The following ASL variants were observed in gnomAD, a reference collection of about 807,000 sequenced individuals.
ASL encodes argininosuccinate lyase.
ASL carries 51 observed loss-of-function variants against 69.1 expected under a neutral mutation model. The ratio of observed to expected loss-of-function variants is 0.74; its 90% confidence interval spans 0.59 to 0.93. The LOEUF (loss-of-function observed/expected upper bound fraction) is 0.93. Ranked by LOEUF, ASL falls within the 40% of genes least tolerant of loss-of-function variation. ASL has a pLI of 0.00. For missense variants in ASL, 540 were observed against 623.9 expected (o/e 0.87, Z 1.43); for synonymous variants, 241 against 247.6 (o/e 0.97, Z 0.25).
intron 9 of ASL, 37 bp from the exon 10 acceptor site, chr7:66,087,692 T>C (rs1307875351): frequency 1.9e-6 from 3 of 1,613,616 alleles, no homozygotes; most frequent in East Asian, 2.2e-5. Flanking sequence ...CCACTCCCTG[T>C]CCTCCAGCTT....
At position 66,089,441 on chromosome 7, in the gene ASL, C is replaced by T. The variant is rs543218393; in HGVS notation, c.978+106C>T. On this transcript the variant is annotated intron_variant, in intron 13 of 16. Transcript: ENST00000304874. Reference sequence around the variant, plus strand: ...TTGCCATACATCCTCCCATCCTGTGCACACAGCTCCATCCGTGGCTGCCCT... The same window carrying T: ...TTGCCATACATCCTCCCATCCTGTGTACACAGCTCCATCCGTGGCTGCCCT... 9.5e-6 allele frequency: 14 copies of T among 1,471,484 alleles called. No individual in the cohort carries two copies. The East Asian group carries it at 2.7e-4, about 28-fold the overall frequency. 91.2% of individuals were successfully genotyped at this position (1,471,484 alleles called of 1,614,324 possible). A position where few individuals can be genotyped will look rare whatever the true frequency, so the allele number is the denominator to read the frequency against.
Position 66,082,931 on chromosome 7 carries a change from G to T in ASL, c.343G>T (p.Asp115Tyr), listed in dbSNP as rs756692067. Residue 115 changes from aspartate (D) to tyrosine (Y), a missense_variant, in exon 5 of 17, where the codon GAC (aspartate) becomes TAC (tyrosine). Asp to Tyr is a radical substitution (Grantham distance 160). Transcript: ENST00000304874. ...GKLHTGRSRN[D>Y]QVVTDLRLWM... ...GCTGCACACGGGACGGAGCCGGAAT[G>T]ACCAGGTGCTTTAGCCCCTCCACCC... The T allele has an allele frequency of 6.2e-7, 1 of 1,613,692 alleles. No homozygotes were observed. Among genetic ancestry groups the T allele is most frequent in the East Asian group, 2.2e-5 (1 of 44,852 alleles).
intron 2 of ASL, among the ~76,000 whole-genome samples, chr7:66,080,918 C>T (rs1584020048): frequency 1.3e-5 from 2 of 152,236 alleles, no homozygotes; most frequent in South Asian, 2.1e-4. Flanking sequence ...AGTTGCAGGG[C>T]ACTTAAGCTT....
chr7:66,077,014 G>C (rs367717038), intron 2 of ASL, among the ~76,000 whole-genome samples: 1 of 152,182 alleles, frequency 6.6e-6, no homozygotes, highest in African/African-American at 2.4e-5. Flanking sequence ...CTTGGTTTCT[G>C]TACCAGTCAC....
rs373132901 is a variant in ASL, at chr7:66,086,525, G to C, written c.447-60G>C. ...GGTGACCCAGGCCTGCAGGGTTCCA[G>C]TGTCACAGGCAGGCCTTGCATGAGC... On this transcript the variant is annotated intron_variant, in intron 6 of 16. Coordinates refer to ENST00000304874, the MANE Select transcript of ASL (RefSeq NM_000048.4). The C allele has an allele frequency of 1.0e-4, 160 of 1,575,874 alleles. No individual in the cohort carries two copies. The African/African-American group carries it at 1.9e-3, about 19-fold the overall frequency.
intron 11 of ASL, 63 bp downstream of exon 11, chr7:66,088,984 G>A: frequency 1.2e-6 from 2 of 1,608,198 alleles, no homozygotes; most frequent in Admixed American, 1.7e-5. Flanking sequence ...GCCGCCCGCG[G>A]ACGTGGCTGC....
intron 2 of ASL, 45 bp downstream of exon 2, chr7:66,076,138 A>G: frequency 6.3e-7 from 1 of 1,576,246 alleles, no homozygotes; most frequent in East Asian, 2.3e-5. Flanking sequence ...CCTCCAAAGG[A>G]GAGAGTGGGG....
chr7:66,083,104 C>T lies in ASL; in HGVS notation c.376C>T (p.Arg126Trp), dbSNP rs201962738. The T allele has an allele frequency of 3.1e-6, 5 of 1,613,736 alleles. No individual in the cohort carries two copies. The highest frequency in any genetic ancestry group is 2.2e-5 in the South Asian group (2 of 91,068). The change falls in exon 6 of 17, where the codon CGG (arginine) becomes TGG (tryptophan). Residue 126 changes from arginine (R) to tryptophan (W), a missense_variant. Transcript: ENST00000304874. ...QVVTDLRLWM[R>W]QTCSTLSGLL... The stretch of plus-strand genomic sequence containing the variant: ...GGTCACAGACCTCAGGCTGTGGATG[C>T]GGCAGACCTGCTCCACGCTCTCGGG...
chr7:66,080,929 G>A (rs937587613), intron 2 of ASL, among the ~76,000 whole-genome samples: 3 of 152,130 alleles, frequency 2.0e-5, no homozygotes, highest in Admixed American at 1.3e-4. Context: ...ACTTAAGCTT[G>A]GTGGAGACCC....
chr7:66,087,868 C>A, intron 10 of ASL, 77 bp downstream of exon 10: 1 of 1,558,690 alleles, frequency 6.4e-7, no homozygotes, highest in South Asian at 1.1e-5. Context: ...AGTTTCCTCC[C>A]ACACCTCCAC....
chr7:66,083,113 T>C lies in ASL; in HGVS notation c.385T>C (p.Cys129Arg), dbSNP rs1786558658. 6.2e-7 allele frequency: 1 copy of C among 1,613,564 alleles called. No individual in the cohort carries two copies. The highest frequency in any genetic ancestry group is 1.3e-5 in the African/African-American group (1 of 74,900). Residue 129 changes from cysteine to arginine, a missense_variant, in exon 6 of 17, where the codon TGC becomes CGC. Coordinates refer to ENST00000304874, the MANE Select transcript of ASL (RefSeq NM_000048.4). ...CCTCAGGCTGTGGATGCGGCAGACC[T>C]GCTCCACGCTCTCGGGCCTCCTCTG... Reference protein sequence around the residue: ...TDLRLWMRQTCSTLSGLLWEL... With the variant: ...TDLRLWMRQTRSTLSGLLWEL...
chr7:66,087,478 G>A (rs1786703619), intron 9 of ASL, 92 bp downstream of exon 9: 2 of 1,442,486 alleles, frequency 1.4e-6, no homozygotes, highest in Admixed American at 1.9e-5. Context: ...GCAGGGGCCT[G>A]TGGCTCCTGG....
At chr7:66,086,005 T>C (rs995519524) in intron 6 of ASL, among the ~76,000 whole-genome samples, 2 of 152,102 alleles carry the variant, frequency 1.3e-5, no homozygotes, top group Non-Finnish European at 2.9e-5. Flanking sequence ...GGAGGATCGC[T>C]TGAGCCCAGG....
At chr7:66,087,678 G>A (rs766557243) in intron 9 of ASL, 51 bp from the exon 10 acceptor site, 84 of 1,610,792 alleles carry the variant, frequency 5.2e-5, no homozygotes, top group South Asian at 4.2e-4. Context: ...TGGGGGAGAG[G>A]GGGCCACTCC....
At position 66,092,944 on chromosome 7, in the gene ASL, G is replaced by A. The variant is rs1388616073; in HGVS notation, c.*32G>A. 1 of 1,586,586 alleles carries A rather than the reference G, an allele frequency of 6.3e-7. No individual in the cohort carries two copies. The highest frequency in any genetic ancestry group is 8.5e-7 in the Non-Finnish European group (1 of 1,173,496). On this transcript the variant is annotated 3_prime_UTR_variant, in exon 17 of 17. Transcript: ENST00000304874. ...CCACACCTGCCCCCTAATAAAGTGG[G>A]CGCGAGAGGAGGCTGCTGTGTGTTT... is the stretch of plus-strand genomic sequence containing the variant.
intron 6 of ASL, 71 bp downstream of exon 6, chr7:66,083,245 CA>C: frequency 6.6e-7 from 1 of 1,518,978 alleles, no homozygotes. Context: ...ACCTAGGGGG[CA>C]GGGGTGAACA....
chr7:66,081,830 G>T lies in ASL; in HGVS notation c.40G>T (p.Val14Leu). 6.2e-7 allele frequency: 1 copy of T among 1,613,932 alleles called. No individual in the cohort carries two copies. The highest frequency in any genetic ancestry group is 8.5e-7 in the Non-Finnish European group (1 of 1,179,994). ...ESGKLWGGRF[V>L]GAVDPIMEKF... ...TGGGAAGCTTTGGGGTGGCCGGTTT[G>T]TGGGTGCAGTGGACCCCATCATGGA... The change falls in exon 3 of 17, where the codon GTG becomes TTG. Residue 14 changes from valine (V) to leucine (L), a missense_variant. By Grantham distance (32) the Val-to-Leu change is conservative (BLOSUM62 1). Coordinates refer to ENST00000304874, the MANE Select transcript of ASL (RefSeq NM_000048.4).
intron 6 of ASL, among the ~76,000 whole-genome samples, chr7:66,083,556 C>T (rs1229838222): frequency 2.6e-5 from 4 of 151,878 alleles, no homozygotes; most frequent in African/African-American, 9.7e-5. Context: ...TGGTGGTGTG[C>T]GCCTGTAATC....
Position 66,092,930 on chromosome 7 carries a change from C to G in ASL, c.*18C>G. ...AGGCCTAGGTCCTCCCACACCTGCC[C>G]CCTAATAAAGTGGGCGCGAGAGGAG... On this transcript the variant is annotated 3_prime_UTR_variant, in exon 17 of 17. Coordinates refer to ENST00000304874, the MANE Select transcript of ASL (RefSeq NM_000048.4). 1 of 1,600,508 alleles carries G rather than the reference C, an allele frequency of 6.2e-7. No individual in the cohort carries two copies. The highest frequency in any genetic ancestry group is 8.5e-7 in the Non-Finnish European group (1 of 1,178,552).
Sources: allele counts gnomAD v4.1 joint callset (sites outside exome capture counted in the v4.1 genomes callset), GRCh38; gene constraint gnomAD v4.1.1; transcripts MANE v1.5; gene names NCBI Gene and HGNC (gene_info 2026-07-23, HGNC 2026-07-21).